Variants in NUBPL observed in about 807,000 individuals in gnomAD.
The protein encoded by NUBPL is iron-sulfur cluster transfer protein NUBPL.
NUBPL carries 31 observed loss-of-function variants against 45.7 expected under a neutral mutation model. That is an observed-to-expected ratio of 0.68 (90% CI 0.51 to 0.92). NUBPL has a LOEUF of 0.92. NUBPL is among the 40% of genes least tolerant of loss of function. The pLI is 0.00. For synonymous variants in NUBPL, 144 were observed against 140.9 expected (o/e 1.02, Z -0.15); for missense variants, 401 against 398.7 (o/e 1.01, Z -0.05).
rs548125645 is a variant in NUBPL at position 31,594,383 on chromosome 14, A to G, written c.292-4906A>G. Reference sequence around the variant, plus strand: ...GGCCCCTATTGCCCTACTGCACTCTAGCATGGGCGACAGAGCAAGACCGTC... The same window carrying G: ...GGCCCCTATTGCCCTACTGCACTCTGGCATGGGCGACAGAGCAAGACCGTC... On this transcript the variant is annotated intron_variant, in intron 3 of 10. Coordinates refer to ENST00000281081, the MANE Select transcript of NUBPL (RefSeq NM_025152.3). Among the ~76,000 whole-genome samples the G allele has an allele frequency of 2.2e-3, 329 of 152,336 alleles. 1 individual carries two copies. The highest frequency in any genetic ancestry group is 7.5e-3 in the African/African-American group (313 of 41,582).
At chr14:31,810,582 C>G (rs1246886341) in intron 7 of NUBPL, among the ~76,000 whole-genome samples, 1 of 152,156 alleles carries the variant, frequency 6.6e-6, no homozygotes, top group Admixed American at 6.5e-5. Context: ...GTTTGCCAGT[C>G]TGTGTCTTTT....
chr14:31,824,749 A>G (rs1389182438), intron 7 of NUBPL, among the ~76,000 whole-genome samples: 2 of 152,050 alleles, frequency 1.3e-5, no homozygotes, highest in African/African-American at 2.4e-5. Context: ...ACTTGGTGTA[A>G]TCAGTTATTT....
At chr14:31,665,129 T>C (rs2036374035) in intron 4 of NUBPL, among the ~76,000 whole-genome samples, 1 of 152,172 alleles carries the variant, frequency 6.6e-6, no homozygotes, top group Non-Finnish European at 1.5e-5. Flanking sequence ...TCTTTATTAG[T>C]CTGCCTAGTG....
chr14:31,701,425 A>G (rs1000667485), intron 6 of NUBPL, among the ~76,000 whole-genome samples: 6 of 152,244 alleles, frequency 3.9e-5, no homozygotes, highest in Non-Finnish European at 4.4e-5. Flanking sequence ...GTGGGGTCAG[A>G]TAAGGGAATA....
chr14:31,648,109 A>C (rs779628927), intron 4 of NUBPL, among the ~76,000 whole-genome samples: 1 of 152,246 alleles, frequency 6.6e-6, no homozygotes, highest in Non-Finnish European at 1.5e-5. Context: ...TTCTGTCAGC[A>C]AAATGAATTA....
At chr14:31,822,240 A>T (rs1187831280) in intron 7 of NUBPL, among the ~76,000 whole-genome samples, 1 of 152,150 alleles carries the variant, frequency 6.6e-6, no homozygotes, top group Non-Finnish European at 1.5e-5. Flanking sequence ...TGGATACCCC[A>T]TTTTACATGA....
chr14:31,641,483 C>T (rs1419079713), intron 4 of NUBPL, among the ~76,000 whole-genome samples: 1 of 152,174 alleles, frequency 6.6e-6, no homozygotes, highest in Non-Finnish European at 1.5e-5. Context: ...TCCAGCTTCA[C>T]TCATGTTATT....
chr14:31,751,170 CA>C, intron 6 of NUBPL, among the ~76,000 whole-genome samples: 1 of 152,254 alleles, frequency 6.6e-6, no homozygotes, highest in Non-Finnish European at 1.5e-5. Flanking sequence ...AGAGCTAAAC[CA>C]TATCATTTGG....
chr14:31,699,897 G>C (rs935644476), intron 6 of NUBPL, among the ~76,000 whole-genome samples: 2 of 152,146 alleles, frequency 1.3e-5, no homozygotes, highest in Admixed American at 6.5e-5. Flanking sequence ...CATTTATTAA[G>C]TATAGTAACT....
chr14:31,703,421 A>G (rs2139900145), intron 6 of NUBPL, among the ~76,000 whole-genome samples: 1 of 152,236 alleles, frequency 6.6e-6, no homozygotes, highest in African/African-American at 2.4e-5. Flanking sequence ...ATAATCCACC[A>G]TTTTGCCTCT....
chr14:31,741,748 G>A (rs2038288719), intron 6 of NUBPL, among the ~76,000 whole-genome samples: 1 of 151,942 alleles, frequency 6.6e-6, no homozygotes, highest in African/African-American at 2.4e-5. Context: ...ACTCATTTCT[G>A]CTTGTAGGTT....
At chr14:31,709,341 A>G (rs1443030396) in intron 6 of NUBPL, among the ~76,000 whole-genome samples, 9 of 152,148 alleles carry the variant, frequency 5.9e-5, no homozygotes. Context: ...TAATTCATGT[A>G]CTTTTTCCTA....
At chr14:31,831,075 G>A (rs921638849) in intron 8 of NUBPL, among the ~76,000 whole-genome samples, 44 of 151,426 alleles carry the variant, frequency 2.9e-4, no homozygotes, top group African/African-American at 9.7e-4. Flanking sequence ...AGACAGTCTC[G>A]CTCTGTCACC....
chr14:31,832,726 G>A (rs1048810082), intron 8 of NUBPL, among the ~76,000 whole-genome samples: 1 of 152,038 alleles, frequency 6.6e-6, no homozygotes, highest in African/African-American at 2.4e-5. Flanking sequence ...ACTTGCAGAG[G>A]CATTTTTGCA....
Position 31,740,734 on chromosome 14 carries a change from A to T in NUBPL, c.514-47046A>T, listed in dbSNP as rs1042008971. 9.9e-5 allele frequency among the ~76,000 whole-genome samples: 15 copies of T among 152,052 alleles called. 1 individual carries two copies. Among genetic ancestry groups the T allele is most frequent in the Admixed American group, 7.2e-4 (11 of 15,272 alleles). ...ATTGCCAAACCCCAAAGTCATCTAGATTTTCTCCCAGGTTTCATCTTTTGT... is the reference window on the plus strand; with the variant it reads ...ATTGCCAAACCCCAAAGTCATCTAGTTTTTCTCCCAGGTTTCATCTTTTGT... On this transcript the variant is annotated intron_variant, in intron 6 of 10. Transcript: ENST00000281081.
intron 4 of NUBPL, among the ~76,000 whole-genome samples, chr14:31,628,010 T>A (rs1225184667): frequency 1.3e-5 from 2 of 152,220 alleles, no homozygotes; most frequent in Non-Finnish European, 2.9e-5. Context: ...TCTTGCTTAA[T>A]AGAAGACTGC....
chr14:31,650,287 CTTTTTT>C (rs35127795), intron 4 of NUBPL, among the ~76,000 whole-genome samples: 6 of 116,592 alleles, frequency 5.1e-5, no homozygotes, highest in Admixed American at 1.8e-4. Flanking sequence ...GGCTTTCTTT[CTTTTTT>C]TTTTTTTTTT....
chr14:31,834,577 C>CTTT (rs1321288835), intron 8 of NUBPL, among the ~76,000 whole-genome samples: 2 of 152,180 alleles, frequency 1.3e-5, no homozygotes, highest in African/African-American at 2.4e-5. Context: ...GACTGGATAG[C>CTTT]ATTCTGCATC....
chr14:31,857,947 G>A (rs549720288), intron 10 of NUBPL, among the ~76,000 whole-genome samples: 11 of 152,194 alleles, frequency 7.2e-5, no homozygotes, highest in African/African-American at 1.4e-4. Context: ...TTTCAGCAAC[G>A]CCACACTCTA....
Sources: gnomAD v4.1 joint callset for allele counts (sites outside exome capture counted in the v4.1 genomes callset) on GRCh38, gnomAD v4.1.1 for gene constraint, MANE v1.5 for transcripts, NCBI Gene and HGNC (gene_info 2026-07-23, HGNC 2026-07-21) for gene names.